The following PIK3CG variants were observed in gnomAD, a reference collection of about 807,000 sequenced individuals.
PIK3CG encodes the protein phosphatidylinositol 4,5-bisphosphate 3-kinase catalytic subunit gamma isoform.
PIK3CG carries 55 observed loss-of-function variants against 102.3 expected under a neutral mutation model. The observed-to-expected ratio is 0.54, with a 90% CI of 0.43 to 0.67. PIK3CG has a LOEUF of 0.67. Among genes scored for constraint, PIK3CG ranks in the 30% least tolerant of loss-of-function variants. The pLI, the probability that PIK3CG is intolerant of heterozygous loss-of-function variation, is 0.00. For missense variants in PIK3CG, 1,258 were observed against 1,391.8 expected, an observed-to-expected ratio of 0.90 and a Z score of 1.53; for synonymous variants, 552 against 540.0, an observed-to-expected ratio of 1.02 and a Z score of -0.31.
In PIK3CG at chr7:106,869,032, G is replaced by A. The variant is rs376127490; in HGVS notation, c.1471G>A (p.Gly491Arg). ...CCACATGTGGCAGATATCTGGGAAGGGAGAAGACCAAGGAAGCTTCAATGC... is the reference window on the plus strand; with the variant it reads ...CCACATGTGGCAGATATCTGGGAAGAGAGAAGACCAAGGAAGCTTCAATGC... ...VLHMWQISGK[G>R]EDQGSFNADK... The change falls in exon 2 of 11, where the codon GGA becomes AGA. Residue 491 changes from glycine (G) to arginine (R), a missense_variant. This residue lies in a region of PIK3CG where 832 missense variants were observed against 787.5 expected (regional missense o/e 1.06). Coordinates refer to ENST00000496166, the MANE Select transcript of PIK3CG (RefSeq NM_001282426.2). This position sits in a 1 kb window ranked among gnomAD's most constrained non-coding sequence, Gnocchi z 5.3. The A allele has an allele frequency of 1.9e-6, 3 of 1,614,050 alleles. No homozygotes were observed. Among genetic ancestry groups the A allele is most frequent in the Non-Finnish European group, 2.5e-6 (3 of 1,180,050 alleles).
At position 106,891,856 on chromosome 7, in the gene PIK3CG, G is replaced by T. The variant is rs888788806; in HGVS notation, c.3030+5564G>T. Among the ~76,000 whole-genome samples the T allele has an allele frequency of 2.0e-5, 3 of 151,696 alleles. No individual in the cohort carries two copies. The highest frequency in any genetic ancestry group is 4.4e-5 in the Non-Finnish European group (3 of 67,952). ...TCAGGCCCACCCTGTTTCCAGTTCC[G>T]CAGTCTTATCCCCATGCCAGCGTAT... On this transcript the variant is annotated intron_variant, in intron 10 of 10. Coordinates refer to ENST00000496166, the MANE Select transcript of PIK3CG (RefSeq NM_001282426.2). This position sits in a 1 kb window ranked among gnomAD's most constrained non-coding sequence, Gnocchi z 4.4.
At chr7:106,885,521 T>C (rs1409619718) in intron 9 of PIK3CG, among the ~76,000 whole-genome samples, 1 of 152,122 alleles carries the variant, frequency 6.6e-6, no homozygotes, top group African/African-American at 2.4e-5. Flanking sequence ...GCTTACTTCC[T>C]ATGAGAATTA....
rs753508173 is a variant in PIK3CG at position 106,869,503 on chromosome 7, CTG to C, written c.1943_1944del (p.Leu648ArgfsTer7). 1 of 1,614,118 alleles carries C rather than the reference CTG, an allele frequency of 6.2e-7. No homozygotes were observed. ...ENVRAIAVQK[L>X]ESLEDDDVLH... ...TGTAAGAGCCATTGCAGTTCAGAAA[CTG>C]GAGAGCTTGGAGGACGATGATGTTC... On this transcript the variant is annotated frameshift_variant, in exon 2 of 11. Transcript: ENST00000496166. LOFTEE classifies it high-confidence loss of function. This position sits in a 1 kb window ranked among gnomAD's most constrained non-coding sequence, Gnocchi z 5.3.
Position 106,890,032 on chromosome 7 carries a change from A to G in PIK3CG, c.3030+3740A>G, listed in dbSNP as rs1328499160. 1.3e-5 allele frequency among the ~76,000 whole-genome samples: 2 copies of G among 152,254 alleles called. No homozygotes were observed. Among genetic ancestry groups the G allele is most frequent in the East Asian group, 3.8e-4 (2 of 5,204 alleles). The stretch of plus-strand genomic sequence containing the variant: ...AGGAATAAAAAAGAAAAGTGTTTTT[A>G]CTCATTGGTAATTTATTCTAGACCA... On this transcript the variant is annotated intron_variant, in intron 10 of 10. Transcript: ENST00000496166. The surrounding 1 kb of genome is among the most constrained non-coding windows in gnomAD (Gnocchi z 4.2).
In PIK3CG at chr7:106,867,812, C is replaced by T. The variant is rs766854286; in HGVS notation, c.251C>T (p.Ala84Val). Reference sequence around the variant, plus strand: ...CTGCGAGCGCTGGAGACCAGCGTGGCGGCGGACTTCTACCACCGGCTGGGA... The same window carrying T: ...CTGCGAGCGCTGGAGACCAGCGTGGTGGCGGACTTCTACCACCGGCTGGGA... The part of the protein sequence containing the change: ...VWLRALETSV[A>V]ADFYHRLGPH... Residue 84 changes from alanine (A) to valine (V), a missense_variant, in exon 2 of 11, where the codon GCG (alanine) becomes GTG (valine). Ala to Val is a moderately conservative substitution (Grantham distance 64). This residue lies in a region of PIK3CG where 832 missense variants were observed against 787.5 expected (regional missense o/e 1.06). Transcript: ENST00000496166. The surrounding 1 kb of genome is among the most constrained non-coding windows in gnomAD (Gnocchi z 5.1). The T allele has an allele frequency of 2.5e-6, 4 of 1,612,312 alleles. No homozygotes were observed. The highest frequency in any genetic ancestry group is 3.4e-6 in the Non-Finnish European group (4 of 1,179,944).
rs1791722392 is a variant in PIK3CG at position 106,907,722 on chromosome 7, A to T, written c.*2335A>T. ...AATGAACCAGTTCTTTCATTTCATT[A>T]TGCTAATATATATATATAACATATA... On this transcript the variant is annotated 3_prime_UTR_variant, in exon 11 of 11. Transcript: ENST00000496166. Among the ~76,000 whole-genome samples, 1 of 148,714 alleles carries T rather than the reference A, an allele frequency of 6.7e-6. No individual in the cohort carries two copies. The highest frequency in any genetic ancestry group is 2.1e-4 in the South Asian group (1 of 4,792).
Position 106,905,410 on chromosome 7 carries a change from C to T in PIK3CG, c.*23C>T. 6.3e-7 allele frequency: 1 copy of T among 1,598,862 alleles called. No individual in the cohort carries two copies. The highest frequency in any genetic ancestry group is 8.5e-7 in the Non-Finnish European group (1 of 1,170,720). ...TAATACTTTAGGCTAGAATCAAAAA[C>T]AAGTTAGTGTTCTATGGTTTAAATT... On this transcript the variant is annotated 3_prime_UTR_variant, in exon 11 of 11. Coordinates refer to ENST00000496166, the MANE Select transcript of PIK3CG (RefSeq NM_001282426.2). The surrounding 1 kb of genome is among the most constrained non-coding windows in gnomAD (Gnocchi z 5.6).
rs748528324 is a variant in PIK3CG at position 106,868,077 on chromosome 7, G to T, written c.516G>T (p.Glu172Asp). Residue 172 changes from glutamate to aspartate, a missense_variant, in exon 2 of 11, where the codon GAG becomes GAT. By Grantham distance (45) the Glu-to-Asp change is conservative (BLOSUM62 2). Transcript: ENST00000496166. This position sits in a 1 kb window ranked among gnomAD's most constrained non-coding sequence, Gnocchi z 6.2. The stretch of plus-strand genomic sequence containing the variant: ...ACGTCAGCAACGTGCACGACGATGA[G>T]CTGGAGTTCACGCGCCGTGGCTTGG... Reference protein sequence around the residue: ...VTDVSNVHDDELEFTRRGLVT... With the variant: ...VTDVSNVHDDDLEFTRRGLVT... 6.2e-7 allele frequency: 1 copy of T among 1,612,992 alleles called. No individual in the cohort carries two copies. The highest frequency in any genetic ancestry group is 8.5e-7 in the Non-Finnish European group (1 of 1,179,300).
rs1242744501 is a variant in PIK3CG, at chr7:106,899,987, CT to C, written c.3031-5114del. ...AGCTGTGAATTGATCAGGTCTTGGG[CT>C]TTTTTTTGGTTGGTAGGCTATTTAT... is the stretch of plus-strand genomic sequence containing the variant. On this transcript the variant is annotated intron_variant, in intron 10 of 10. Transcript: ENST00000496166. This position sits in a 1 kb window ranked among gnomAD's most constrained non-coding sequence, Gnocchi z 4.6. Among the ~76,000 whole-genome samples, 2 of 151,566 alleles carry C rather than the reference CT, an allele frequency of 1.3e-5. No individual in the cohort carries two copies. The highest frequency in any genetic ancestry group is 1.3e-4 in the Admixed American group (2 of 15,200).
Position 106,883,203 on chromosome 7 carries a change from A to C in PIK3CG, c.2760+40A>C. The stretch of plus-strand genomic sequence containing the variant: ...TTTCCCAGTCTAATGGCTCCTTACA[A>C]GTTGTCATTTATATAGCAGTAGTGG... On this transcript the variant is annotated intron_variant, in intron 8 of 10. Coordinates refer to ENST00000496166, the MANE Select transcript of PIK3CG (RefSeq NM_001282426.2). The surrounding 1 kb of genome is among the most constrained non-coding windows in gnomAD (Gnocchi z 5.8). The C allele has an allele frequency of 6.2e-7, 1 of 1,611,246 alleles. No individual in the cohort carries two copies. Among genetic ancestry groups the C allele is most frequent in the East Asian group, 2.2e-5 (1 of 44,856 alleles).
At position 106,867,986 on chromosome 7, in the gene PIK3CG, C is replaced by T. The variant is rs2116427499; in HGVS notation, c.425C>T (p.Pro142Leu). ...PGQIHLVQRH[P>L]PSEESQAFQR... ...CAGATCCACCTGGTGCAGCGGCACC[C>T]GCCCTCCGAGGAGTCCCAAGCCTTC... is the stretch of plus-strand genomic sequence containing the variant. The change falls in exon 2 of 11, where the codon CCG becomes CTG. Residue 142 changes from proline (P) to leucine (L), a missense_variant. Around this residue, in one of 2 missense-constraint regions of PIK3CG, gnomAD observed 832 missense variants for 787.5 expected, o/e 1.06. Transcript: ENST00000496166. The surrounding 1 kb of genome is among the most constrained non-coding windows in gnomAD (Gnocchi z 5.1). The T allele has an allele frequency of 1.2e-6, 2 of 1,612,198 alleles. No individual in the cohort carries two copies. Among genetic ancestry groups the T allele is most frequent in the East Asian group, 2.2e-5 (1 of 44,808 alleles).
intron 10 of PIK3CG, among the ~76,000 whole-genome samples, chr7:106,896,710 C>T (rs983767792): frequency 1.3e-5 from 2 of 152,150 alleles, no homozygotes; most frequent in Non-Finnish European, 1.5e-5. Context: ...GGAGGAAATG[C>T]AGAGGGGATG....
chr7:106,865,495 T>A (rs1790247650), intron 1 of PIK3CG, 69 bp downstream of exon 1: 1 of 152,256 alleles, frequency 6.6e-6, no homozygotes, highest in Non-Finnish European at 1.5e-5. Context: ...CCTTCTCGGC[T>A]AGATTATCTG....
chr7:106,871,972 TG>T (rs1366627829), intron 2 of PIK3CG, among the ~76,000 whole-genome samples: 1 of 152,210 alleles, frequency 6.6e-6, no homozygotes, highest in Non-Finnish European at 1.5e-5. Context: ...TTGCTCTGTG[TG>T]GATTGATCTA....
Position 106,880,225 on chromosome 7 carries a change from A to G in PIK3CG, c.2538+560A>G, listed in dbSNP as rs1454118942. On this transcript the variant is annotated intron_variant, in intron 6 of 10. Transcript: ENST00000496166. The surrounding 1 kb of genome is among the most constrained non-coding windows in gnomAD (Gnocchi z 4.2). The stretch of plus-strand genomic sequence containing the variant: ...TTTTCATATTTTCTAACATTTCTAG[A>G]TAAACTTTAGCTTCACAAGTCTGTA... Among the ~76,000 whole-genome samples the G allele has an allele frequency of 1.3e-5, 2 of 152,216 alleles. No homozygotes were observed. The highest frequency in any genetic ancestry group is 4.8e-5 in the African/African-American group (2 of 41,452).
At position 106,886,308 on chromosome 7, in the gene PIK3CG, C is replaced by T. The variant is rs2116563218; in HGVS notation, c.3030+16C>T. 3.1e-6 allele frequency: 5 copies of T among 1,613,696 alleles called. No homozygotes were observed. The highest frequency in any genetic ancestry group is 4.2e-6 in the Non-Finnish European group (5 of 1,179,720). On this transcript the variant is annotated intron_variant, in intron 10 of 10. Transcript: ENST00000496166. ...GAAATTTCAGGTAAGTCACCTCCTT[C>T]ATCGCCTGCTGAGAATAGCACCGAA...
chr7:106,904,926 C>T (rs538478543), intron 10 of PIK3CG, among the ~76,000 whole-genome samples, 183 bp from the exon 11 acceptor site: 11 of 152,254 alleles, frequency 7.2e-5, no homozygotes, highest in South Asian at 6.2e-4. Context: ...TGCAACTACA[C>T]GGAAGTATTT....
In PIK3CG at chr7:106,899,854, G is replaced by A. The variant is rs917922549; in HGVS notation, c.3031-5255G>A. On this transcript the variant is annotated intron_variant, in intron 10 of 10. Coordinates refer to ENST00000496166, the MANE Select transcript of PIK3CG (RefSeq NM_001282426.2). This position sits in a 1 kb window ranked among gnomAD's most constrained non-coding sequence, Gnocchi z 4.6. ...TGTTTCTGCCAGGTTTTGGTATCAA[G>A]ATGATGCTGCTCTCATAGAACGAGT... Among the ~76,000 whole-genome samples the A allele has an allele frequency of 1.3e-5, 2 of 152,174 alleles. No individual in the cohort carries two copies. Among genetic ancestry groups the A allele is most frequent in the African/African-American group, 4.8e-5 (2 of 41,442 alleles).
At position 106,880,887 on chromosome 7, in the gene PIK3CG, G is replaced by T. The variant is rs1426721103; in HGVS notation, c.2538+1222G>T. 6.6e-6 allele frequency among the ~76,000 whole-genome samples: 1 copy of T among 151,740 alleles called. No homozygotes were observed. Among genetic ancestry groups the T allele is most frequent in the African/African-American group, 2.4e-5 (1 of 41,332 alleles). On this transcript the variant is annotated intron_variant, in intron 6 of 10. Coordinates refer to ENST00000496166, the MANE Select transcript of PIK3CG (RefSeq NM_001282426.2). This position sits in a 1 kb window ranked among gnomAD's most constrained non-coding sequence, Gnocchi z 4.2. Reference sequence around the variant, plus strand: ...GATGGGGTCTTGCCATGTTACCCACGCTGGCCTCAAACTCCTTGGCTCAAT... The same window carrying T: ...GATGGGGTCTTGCCATGTTACCCACTCTGGCCTCAAACTCCTTGGCTCAAT...
Sources: allele counts gnomAD v4.1 joint callset (sites outside exome capture counted in the v4.1 genomes callset), GRCh38; gene constraint gnomAD v4.1.1; regional missense constraint gnomAD v4.1.1; non-coding constraint Gnocchi (gnomAD v3.1); transcripts MANE v1.5; gene names NCBI Gene and HGNC (gene_info 2026-07-23, HGNC 2026-07-21).